A1CF: variants seen among roughly 807,000 people sequenced by gnomAD.
A1CF encodes the protein APOBEC-1 stimulating protein.
A1CF carries 48 observed loss-of-function variants against 68.9 expected under a neutral mutation model. That is an observed-to-expected ratio of 0.70 (90% confidence interval 0.55 to 0.89). The LOEUF (loss-of-function observed/expected upper bound fraction) is 0.89. A1CF is among the 40% of genes least tolerant of loss of function. The pLI, the probability that A1CF is intolerant of heterozygous loss-of-function variation, is 0.00. For missense variants in A1CF, 653 were observed against 718.9 expected, an observed-to-expected ratio of 0.91 and a Z score of 1.05; for synonymous variants, 272 against 260.4, an observed-to-expected ratio of 1.04 and a Z score of -0.43.
chr10:50,882,330 G>A lies in A1CF; in HGVS notation c.-94+3251C>T, dbSNP rs569939981. Among the ~76,000 whole-genome samples, 351 of 152,144 alleles carry A rather than the reference G, an allele frequency of 2.3e-3. 2 individuals are homozygous for A. Among genetic ancestry groups the A allele is most frequent in the Middle Eastern group, 6.8e-3 (2 of 294 alleles). On this transcript the variant is annotated intron_variant, in intron 1 of 12. Coordinates refer to ENST00000373997, the MANE Select transcript of A1CF (RefSeq NM_014576.4). ...GTGTGCCTGTAATCCCAGCTACTCG[G>A]GAGGCTGAGGCACAAGAATCACTTG... is the stretch of plus-strand genomic sequence containing the variant.
At chr10:50,845,752 G>A (rs1283114286) in intron 3 of A1CF, among the ~76,000 whole-genome samples, 1 of 152,020 alleles carries the variant, frequency 6.6e-6, no homozygotes, top group Non-Finnish European at 1.5e-5. Context: ...CTAGGAGTTC[G>A]AGACCAGCCT....
chr10:50,834,481 G>A (rs1839392371), intron 6 of A1CF, among the ~76,000 whole-genome samples: 1 of 152,204 alleles, frequency 6.6e-6, no homozygotes, highest in Admixed American at 6.5e-5. Flanking sequence ...TCATTGAGGT[G>A]TCTGTCCTGA....
In A1CF at chr10:50,806,613, G is replaced by A. The variant is rs1837828964; in HGVS notation, c.*116C>T. 3 of 929,044 alleles carry A rather than the reference G, an allele frequency of 3.2e-6. No homozygotes were observed. The highest frequency in any genetic ancestry group is 4.5e-6 in the Non-Finnish European group (3 of 661,750). 57.6% of individuals were successfully genotyped at this position (929,044 alleles called of 1,614,324 possible). A position where few individuals can be genotyped will look rare whatever the true frequency, so the allele number is the denominator to read the frequency against. On this transcript the variant is annotated 3_prime_UTR_variant, in exon 13 of 13. Coordinates refer to ENST00000373997, the MANE Select transcript of A1CF (RefSeq NM_014576.4). ...TATAAGCTATACAGTCTCTGGAAAG[G>A]CATTTCTTTAGGAAACATATTATTT... is the stretch of plus-strand genomic sequence containing the variant.
chr10:50,881,085 G>C (rs1841752267), intron 1 of A1CF, among the ~76,000 whole-genome samples: 1 of 151,952 alleles, frequency 6.6e-6, no homozygotes, highest in Non-Finnish European at 1.5e-5. Context: ...CGCCTCCTGG[G>C]TTCAAGTGAT....
At chr10:50,810,927 G>T in intron 11 of A1CF, 113 bp downstream of exon 11, 1 of 1,199,888 alleles carries the variant, frequency 8.3e-7, no homozygotes. Flanking sequence ...TGCATTGAAT[G>T]ACAAATGAGT....
Position 50,799,787 on chromosome 10 carries a change from C to T in A1CF, c.*6942G>A, listed in dbSNP as rs1310724281. On this transcript the variant is annotated 3_prime_UTR_variant, in exon 13 of 13. Transcript: ENST00000373997. ...GTTAAACATCTGGAAACTATAAATG[C>T]ATTTTGCTGACAGCTTGCTTTTCAT... is the stretch of plus-strand genomic sequence containing the variant. 1.3e-5 allele frequency: 2 copies of T among 152,182 alleles called. No individual in the cohort carries two copies. Among genetic ancestry groups the T allele is most frequent in the South Asian group, 4.1e-4 (2 of 4,820 alleles). 9.4% of individuals were successfully genotyped at this position (152,182 alleles called of 1,614,324 possible).
At chr10:50,845,571 G>A (rs1839960370) in intron 3 of A1CF, among the ~76,000 whole-genome samples, 1 of 152,186 alleles carries the variant, frequency 6.6e-6, no homozygotes, top group Admixed American at 6.5e-5. Context: ...TTGAACCCAG[G>A]CAGTCAGGCA....
At chr10:50,870,084 T>C (rs766049209) in intron 1 of A1CF, among the ~76,000 whole-genome samples, 25 of 152,054 alleles carry the variant, frequency 1.6e-4, no homozygotes, top group Admixed American at 4.6e-4. Context: ...AATCCATTTA[T>C]ATAATTTGTA....
rs1250311950 is a variant in A1CF, at chr10:50,809,990, A to G, written c.1513T>C (p.Tyr505His). Residue 505 changes from tyrosine to histidine, a missense_variant, in exon 12 of 13, where the codon TAT (tyrosine) becomes CAT (histidine). Physicochemically the swap from Tyr to His is moderately conservative, Grantham distance 83. Coordinates refer to ENST00000373997, the MANE Select transcript of A1CF (RefSeq NM_014576.4). ...LSAFVDEAKT[Y>H]AAEYTLQTLG... ...GTCTGCAGGGTGTATTCGGCTGCAT[A>G]CGTCTTTGCTTCATCCACAAAGGCA... 1.9e-6 allele frequency: 3 copies of G among 1,613,990 alleles called. No homozygotes were observed. The highest frequency in any genetic ancestry group is 1.7e-5 in the Admixed American group (1 of 59,996).
intron 12 of A1CF, 29 bp downstream of exon 12, chr10:50,809,865 G>A: frequency 3.7e-6 from 6 of 1,612,972 alleles, no homozygotes; most frequent in Non-Finnish European, 5.1e-6. Context: ...TCTCTGCAGG[G>A]CGCCATTTCT....
chr10:50,809,360 G>A (rs1450061428), intron 12 of A1CF, among the ~76,000 whole-genome samples: 2 of 152,164 alleles, frequency 1.3e-5, no homozygotes, highest in African/African-American at 4.8e-5. Flanking sequence ...AATAAAAGTA[G>A]ATTGAAGACT....
At chr10:50,860,745 G>A (rs1355630841) in intron 2 of A1CF, among the ~76,000 whole-genome samples, 3 of 151,924 alleles carry the variant, frequency 2.0e-5, no homozygotes, top group Non-Finnish European at 4.4e-5. Flanking sequence ...TTCTATTTTG[G>A]GAACATGATT....
intron 3 of A1CF, 23 bp from the exon 4 acceptor site, chr10:50,844,145 A>G (rs1397774196): frequency 8.7e-6 from 14 of 1,602,458 alleles, no homozygotes; most frequent in Non-Finnish European, 1.1e-5. Context: ...GGCAGGTGTG[A>G]AGGAGAGGAG....
chr10:50,884,330 G>A (rs1004124163), intron 1 of A1CF, among the ~76,000 whole-genome samples: 2 of 152,046 alleles, frequency 1.3e-5, no homozygotes, highest in African/African-American at 4.8e-5. Context: ...CCTTGAAATC[G>A]ATAAATAGTA....
At position 50,804,203 on chromosome 10, in the gene A1CF, A is replaced by C. The variant is rs970671817; in HGVS notation, c.*2526T>G. 6.6e-6 allele frequency: 1 copy of C among 152,182 alleles called. No individual in the cohort carries two copies. The highest frequency in any genetic ancestry group is 2.4e-5 in the African/African-American group (1 of 41,452). 9.4% of individuals were successfully genotyped at this position (152,182 alleles called of 1,614,324 possible). ...CTCTAAAGAGGTAAATGGTGTGATA[A>C]CTTGAGATGGTGTTCCAGTGGTAAT... is the stretch of plus-strand genomic sequence containing the variant. On this transcript the variant is annotated 3_prime_UTR_variant, in exon 13 of 13. Transcript: ENST00000373997.
intron 4 of A1CF, among the ~76,000 whole-genome samples, chr10:50,842,572 C>A (rs946114017): frequency 1.3e-5 from 2 of 152,178 alleles, no homozygotes; most frequent in African/African-American, 4.8e-5. Context: ...AATTGTGCCA[C>A]TGCACTCCAG....
Position 50,806,469 on chromosome 10 carries a change from G to C in A1CF, c.*260C>G, listed in dbSNP as rs1429326317. 8.3e-6 allele frequency: 2 copies of C among 240,388 alleles called. No individual in the cohort carries two copies. The highest frequency in any genetic ancestry group is 1.6e-5 in the Non-Finnish European group (2 of 127,034). 14.9% of individuals were successfully genotyped at this position (240,388 alleles called of 1,614,324 possible). On this transcript the variant is annotated 3_prime_UTR_variant, in exon 13 of 13. Coordinates refer to ENST00000373997, the MANE Select transcript of A1CF (RefSeq NM_014576.4). ...TGTAAACATACTCCCCAAACACTCA[G>C]GAAGACTGGAAGAACAACTTTTGGG...
intron 3 of A1CF, among the ~76,000 whole-genome samples, chr10:50,854,605 C>T (rs929311779): frequency 6.6e-6 from 1 of 151,818 alleles, no homozygotes; most frequent in African/African-American, 2.4e-5. Flanking sequence ...AGCTGTATTG[C>T]TCATTTGAGG....
At chr10:50,857,163 G>A (rs1264185770) in intron 3 of A1CF, among the ~76,000 whole-genome samples, 2 of 151,982 alleles carry the variant, frequency 1.3e-5, no homozygotes, top group African/African-American at 2.4e-5. Context: ...ATTTTAAGAC[G>A]GAATTGGACT....
Sources: gnomAD v4.1 joint callset for allele counts (sites outside exome capture counted in the v4.1 genomes callset) on GRCh38, gnomAD v4.1.1 for gene constraint, MANE v1.5 for transcripts, NCBI Gene and HGNC (gene_info 2026-07-23, HGNC 2026-07-21) for gene names.